The following CNTN4 variants were observed in gnomAD, a reference collection of about 807,000 sequenced individuals.
The protein encoded by CNTN4 is contactin-4.
In CNTN4, 77 loss-of-function variants were observed where a neutral mutation model predicts 122.5. That is an observed-to-expected ratio of 0.63 (90% CI 0.52 to 0.76). The LOEUF (loss-of-function observed/expected upper bound fraction) is 0.76. Ranked by LOEUF, CNTN4 falls within the 30% of genes least tolerant of loss-of-function variation. CNTN4 has a pLI of 0.00. For missense variants in CNTN4, 1,256 were observed against 1,259.1 expected (o/e 1.00, Z 0.04); for synonymous variants, 512 against 447.0 (o/e 1.15, Z -1.83).
intron 4 of CNTN4, among the ~76,000 whole-genome samples, chr3:2,732,083 A>C (rs760533967): frequency 2.0e-5 from 3 of 152,196 alleles, no homozygotes; most frequent in Non-Finnish European, 2.9e-5. Context: ...GCATGTGCTA[A>C]AATTACCTCT....
intron 7 of CNTN4, among the ~76,000 whole-genome samples, chr3:2,856,721 T>C (rs1437729595): frequency 6.6e-6 from 1 of 152,204 alleles, no homozygotes; most frequent in Non-Finnish European, 1.5e-5. Context: ...TCAGCCTCCC[T>C]AAAGTTTTGC....
At chr3:2,857,293 C>T (rs2093627539) in intron 7 of CNTN4, among the ~76,000 whole-genome samples, 1 of 152,288 alleles carries the variant, frequency 6.6e-6, no homozygotes, top group South Asian at 2.1e-4. Flanking sequence ...ATGTGCTTTC[C>T]ACATTATCTG....
At chr3:2,663,502 T>TC (rs2084004828) in intron 4 of CNTN4, among the ~76,000 whole-genome samples, 1 of 144,720 alleles carries the variant, frequency 6.9e-6, no homozygotes, top group South Asian at 2.4e-4. Context: ...GAGGAACTCA[T>TC]AAGGGTCTGA....
chr3:2,438,658 C>G (rs1335691495), intron 3 of CNTN4, among the ~76,000 whole-genome samples: 3 of 152,198 alleles, frequency 2.0e-5, no homozygotes, highest in African/African-American at 7.2e-5. Context: ...AAATAACAGG[C>G]AGAAAGTCAT....
chr3:2,970,256 G>T (rs184199246), intron 13 of CNTN4, among the ~76,000 whole-genome samples: 1 of 151,680 alleles, frequency 6.6e-6, no homozygotes, highest in Non-Finnish European at 1.5e-5. Context: ...CCCCACACCC[G>T]GCCGATTCTT....
chr3:2,575,475 C>A (rs2149520023), intron 4 of CNTN4, among the ~76,000 whole-genome samples: 1 of 152,276 alleles, frequency 6.6e-6, no homozygotes, highest in South Asian at 2.1e-4. Flanking sequence ...CGTACTACTG[C>A]ACTCCAGCCT....
chr3:2,517,521 G>A (rs1575824656), intron 3 of CNTN4, among the ~76,000 whole-genome samples: 1 of 152,244 alleles, frequency 6.6e-6, no homozygotes, highest in African/African-American at 2.4e-5. Context: ...GAGTAAATAA[G>A]TTCTTACGGT....
intron 4 of CNTN4, among the ~76,000 whole-genome samples, chr3:2,587,865 G>GA (rs2080275302): frequency 6.6e-6 from 1 of 151,710 alleles, no homozygotes; most frequent in Non-Finnish European, 1.5e-5. Context: ...GAAACCCAAG[G>GA]AGTCTAGAAC....
At chr3:2,364,374 T>G (rs1230616428) in intron 3 of CNTN4, among the ~76,000 whole-genome samples, 1 of 152,186 alleles carries the variant, frequency 6.6e-6, no homozygotes, top group East Asian at 1.9e-4. Flanking sequence ...CCCTTGCTGT[T>G]TTTATTCTAT....
At position 2,709,034 on chromosome 3, in the gene CNTN4, T is replaced by C. The variant is rs1324526032; in HGVS notation, c.56-27181T>C. On this transcript the variant is annotated intron_variant, in intron 4 of 24. Coordinates refer to ENST00000418658, the MANE Select transcript of CNTN4 (RefSeq NM_175607.3). The surrounding 1 kb of genome is among the most constrained non-coding windows in gnomAD (Gnocchi z 5.0). ...TTGGATCTTCAGAATACATGATATATCTCTTCTCAGATATCTCATAGACCA... is the reference window on the plus strand; with the variant it reads ...TTGGATCTTCAGAATACATGATATACCTCTTCTCAGATATCTCATAGACCA... Among the ~76,000 whole-genome samples the C allele has an allele frequency of 6.6e-6, 1 of 152,138 alleles. No individual in the cohort carries two copies. The highest frequency in any genetic ancestry group is 1.9e-4 in the East Asian group (1 of 5,184).
intron 2 of CNTN4, among the ~76,000 whole-genome samples, chr3:2,125,798 C>T (rs1330599167): frequency 2.0e-5 from 3 of 151,794 alleles, no homozygotes; most frequent in South Asian, 2.1e-4. Flanking sequence ...CCTCGTGATC[C>T]GCCCGCCTCA....
intron 7 of CNTN4, among the ~76,000 whole-genome samples, chr3:2,833,581 C>T (rs938853756): frequency 3.3e-5 from 5 of 151,640 alleles, no homozygotes; most frequent in African/African-American, 4.9e-5. Flanking sequence ...TGTACTTTCT[C>T]ATGTTTGAGC....
At chr3:2,548,539 C>CT (rs1305711673) in intron 3 of CNTN4, among the ~76,000 whole-genome samples, 1 of 151,790 alleles carries the variant, frequency 6.6e-6, no homozygotes, top group Non-Finnish European at 1.5e-5. Context: ...TCTATATATC[C>CT]TTTTTGTTAC....
At chr3:2,438,355 C>G (rs959752755) in intron 3 of CNTN4, among the ~76,000 whole-genome samples, 4 of 152,150 alleles carry the variant, frequency 2.6e-5, no homozygotes, top group Admixed American at 1.3e-4. Context: ...AACCCCATCT[C>G]TACTGAAAAT....
intron 14 of CNTN4, among the ~76,000 whole-genome samples, chr3:3,009,660 C>T (rs1697022521): frequency 6.6e-6 from 1 of 152,124 alleles, no homozygotes. Context: ...GTCTCGATCT[C>T]CTGACCTCGT....
At chr3:2,531,738 G>A (rs558648050) in intron 3 of CNTN4, among the ~76,000 whole-genome samples, 3 of 152,214 alleles carry the variant, frequency 2.0e-5, no homozygotes, top group South Asian at 2.1e-4. Flanking sequence ...TCCATTTGAT[G>A]AGTGGAATTA....
chr3:2,648,050 C>G (rs1172596950), intron 4 of CNTN4, among the ~76,000 whole-genome samples: 5 of 152,184 alleles, frequency 3.3e-5, no homozygotes, highest in Admixed American at 2.6e-4. Flanking sequence ...CCAGTCATCA[C>G]TGAGTGTATA....
intron 3 of CNTN4, among the ~76,000 whole-genome samples, chr3:2,555,655 G>T (rs569861592): frequency 6.6e-6 from 1 of 152,130 alleles, no homozygotes; most frequent in Non-Finnish European, 1.5e-5. Flanking sequence ...GGGAACAGCA[G>T]GTACAAAGGT....
At chr3:2,681,513 A>T (rs1361109385) in intron 4 of CNTN4, among the ~76,000 whole-genome samples, 2 of 152,136 alleles carry the variant, frequency 1.3e-5, no homozygotes, top group Non-Finnish European at 1.5e-5. Flanking sequence ...AAACAAGTAG[A>T]TGCCACTCAC....
Sources: allele counts gnomAD v4.1 joint callset (sites outside exome capture counted in the v4.1 genomes callset), GRCh38; gene constraint gnomAD v4.1.1; non-coding constraint Gnocchi (gnomAD v3.1); transcripts MANE v1.5; gene names NCBI Gene and HGNC (gene_info 2026-07-23, HGNC 2026-07-21).